UGT3A1: variants seen among roughly 807,000 people sequenced by gnomAD.
The protein encoded by UGT3A1 is UDP glycosyltransferase family 3 member A1.
UGT3A1 carries 40 observed loss-of-function variants against 37.6 expected under a neutral mutation model. The ratio of observed to expected loss-of-function variants is 1.06; its 90% CI spans 0.83 to 1.38. UGT3A1 has a LOEUF of 1.38. Among genes scored for constraint, UGT3A1 ranks in the 40% most tolerant of loss-of-function variants. The pLI is 0.00. For synonymous variants in UGT3A1, 256 were observed against 232.3 expected (o/e 1.10, Z -0.93); for missense variants, 642 against 634.2 (o/e 1.01, Z -0.13).
intron 1 of UGT3A1, among the ~76,000 whole-genome samples, chr5:35,990,545 T>G (rs1740902597): frequency 6.6e-6 from 1 of 152,036 alleles, no homozygotes; most frequent in African/African-American, 2.4e-5. Context: ...GGAAGGAGGC[T>G]CCAAAAGATC....
chr5:35,965,328 A>G, intron 4 of UGT3A1, 58 bp downstream of exon 4: 1 of 1,555,908 alleles, frequency 6.4e-7, no homozygotes, highest in Non-Finnish European at 8.7e-7. Flanking sequence ...GGCAGCCACC[A>G]ACTATGCACC....
intron 5 of UGT3A1, 52 bp downstream of exon 5, chr5:35,957,136 G>A (rs1739384752): frequency 1.7e-5 from 26 of 1,506,808 alleles, no homozygotes; most frequent in Non-Finnish European, 2.3e-5. Context: ...ACACTGACGA[G>A]CACCAAAGGC....
chr5:35,955,870 G>A lies in UGT3A1; in HGVS notation c.1076-6C>T, dbSNP rs537122130. On this transcript the variant is annotated splice_region_variant and splice_polypyrimidine_tract_variant and intron_variant, in intron 5 of 6. Coordinates refer to ENST00000274278, the MANE Select transcript of UGT3A1 (RefSeq NM_152404.4). ...AAGACGGATGCTGGGGTGAGCTGTG[G>A]CAAATAAGAAAGAGAGTGGAACACT... 2.5e-6 allele frequency: 4 copies of A among 1,613,368 alleles called. No individual in the cohort carries two copies. In the Admixed American group the frequency reaches 6.7e-5, roughly 27 times the overall value.
At chr5:36,000,111 T>C (rs1195593359) in intron 1 of UGT3A1, among the ~76,000 whole-genome samples, 1 of 152,170 alleles carries the variant, frequency 6.6e-6, no homozygotes, top group Non-Finnish European at 1.5e-5. Context: ...AAAACATATC[T>C]AAGTTCACGA....
At chr5:35,954,768 T>C (rs1046398878) in intron 6 of UGT3A1, 10 of 422,448 alleles carry the variant, frequency 2.4e-5, no homozygotes, top group African/African-American at 9.8e-5. Context: ...AGGATGCTTA[T>C]GGTATACTAA....
intron 2 of UGT3A1, among the ~76,000 whole-genome samples, chr5:35,987,248 CT>C (rs1219304181): frequency 6.6e-6 from 1 of 152,136 alleles, no homozygotes; most frequent in Non-Finnish European, 1.5e-5. Flanking sequence ...GCTTTTCCTA[CT>C]TTCAGAGCTC....
chr5:35,993,257 A>T (rs1197876599), upstream of UGT3A1, among the ~76,000 whole-genome samples: 1 of 152,102 alleles, frequency 6.6e-6, no homozygotes, highest in Non-Finnish European at 1.5e-5. Flanking sequence ...CAAGGTCAGG[A>T]GATTAAGACC....
chr5:35,962,811 A>G (rs967799875), intron 4 of UGT3A1: 23 of 690,742 alleles, frequency 3.3e-5, no homozygotes, highest in African/African-American at 3.2e-4. Context: ...TCTGAGGGTC[A>G]AAGCAGACTC....
chr5:35,997,748 G>A (rs916666409), intron 1 of UGT3A1, among the ~76,000 whole-genome samples: 1 of 151,992 alleles, frequency 6.6e-6, no homozygotes, highest in East Asian at 1.9e-4. Context: ...TTTACCCAGG[G>A]CTCAACACTC....
chr5:35,994,333 T>TGTGTG (rs1741042045), upstream of UGT3A1, among the ~76,000 whole-genome samples: 20 of 138,640 alleles, frequency 1.4e-4, no homozygotes, highest in Admixed American at 8.1e-4. Flanking sequence ...TTTGTTTTGT[T>TGTGTG]TGTGTGTGTG....
At position 35,965,528 on chromosome 5, in the gene UGT3A1, C is replaced by G. The variant is rs759699054; in HGVS notation, c.701G>C (p.Arg234Thr). ...CAGTAGAAGATGAGACAAAACTGGCCTAGAGCCTTCTGGGAAATGCTCCTT... is the reference window on the plus strand; with the variant it reads ...CAGTAGAAGATGAGACAAAACTGGCGTAGAGCCTTCTGGGAAATGCTCCTT... ...TIKEHFPEGS[R>T]PVLSHLLLKA... is the part of the protein sequence containing the mutation. The change falls in exon 4 of 7, where the codon AGG (arginine) becomes ACG (threonine). Residue 234 changes from arginine (R) to threonine (T), a missense_variant. By Grantham distance (71) the Arg-to-Thr change is moderately conservative (BLOSUM62 -1). Coordinates refer to ENST00000274278, the MANE Select transcript of UGT3A1 (RefSeq NM_152404.4). 2 of 1,614,192 alleles carry G rather than the reference C, an allele frequency of 1.2e-6. No homozygotes were observed. The highest frequency in any genetic ancestry group is 1.7e-6 in the Non-Finnish European group (2 of 1,180,022).
At chr5:35,962,986 C>T in intron 4 of UGT3A1, 1 of 701,198 alleles carries the variant, frequency 1.4e-6, no homozygotes, top group Non-Finnish European at 2.6e-6. Context: ...TCCCTCATTT[C>T]CCTTCCTTCT....
At chr5:35,994,788 C>T (rs1281849152), upstream of UGT3A1, among the ~76,000 whole-genome samples, 2 of 152,160 alleles carry the variant, frequency 1.3e-5, no homozygotes, top group Non-Finnish European at 2.9e-5. Flanking sequence ...CAAAAAGGAA[C>T]TCTAAGTTAT....
chr5:35,984,724 C>T (rs989763361), intron 2 of UGT3A1, among the ~76,000 whole-genome samples: 69 of 152,242 alleles, frequency 4.5e-4, no homozygotes, highest in African/African-American at 1.1e-3. Context: ...CCACCCACCT[C>T]GGCTTCCCAA....
At chr5:35,985,297 C>A (rs185084003) in intron 2 of UGT3A1, among the ~76,000 whole-genome samples, 1 of 151,904 alleles carries the variant, frequency 6.6e-6, no homozygotes, top group East Asian at 1.9e-4. Flanking sequence ...AGCAAACGTA[C>A]AAATTCAATG....
chr5:35,955,811 C>T lies in UGT3A1; in HGVS notation c.1129G>A (p.Glu377Lys). Residue 377 changes from glutamate (E) to lysine (K), a missense_variant, in exon 6 of 7, where the codon GAG becomes AAG. By Grantham distance (56) the Glu-to-Lys change is moderately conservative (BLOSUM62 1). Coordinates refer to ENST00000274278, the MANE Select transcript of UGT3A1 (RefSeq NM_152404.4). ...VTHGGQNSVM[E>K]AIRHGVPMVG... ...ATGGGCACACCATGACGGATGGCCT[C>T]CATTACGCTGTTCTGCCCACCATGA... 6.2e-7 allele frequency: 1 copy of T among 1,614,170 alleles called. No homozygotes were observed. The highest frequency in any genetic ancestry group is 8.5e-7 in the Non-Finnish European group (1 of 1,180,040).
At chr5:35,976,652 C>A (rs574879673) in intron 2 of UGT3A1, among the ~76,000 whole-genome samples, 178 of 152,086 alleles carry the variant, frequency 1.2e-3, no homozygotes, top group African/African-American at 4.1e-3. Context: ...TCAGCCTGGG[C>A]AACATAGTGA....
Position 35,965,374 on chromosome 5 carries a change from G to A in UGT3A1, c.843+12C>T. On this transcript the variant is annotated intron_variant, in intron 4 of 6. Transcript: ENST00000274278. Reference sequence around the variant, plus strand: ...ATGTGAATCCCAAACTGAATGCTGAGGGTTCACTTACTTGTGGTACTGGTT... The same window carrying A: ...ATGTGAATCCCAAACTGAATGCTGAAGGTTCACTTACTTGTGGTACTGGTT... The A allele has an allele frequency of 6.2e-7, 1 of 1,610,778 alleles. No homozygotes were observed. The highest frequency in any genetic ancestry group is 8.5e-7 in the Non-Finnish European group (1 of 1,177,854).
intron 4 of UGT3A1, among the ~76,000 whole-genome samples, chr5:35,960,356 C>G (rs2081122): frequency 0.57 from 86,885 of 152,066 alleles, 25,435 homozygotes; most frequent in African/African-American, 0.66. Context: ...GAATAGAAGA[C>G]TGAGCCCGGA....
Sources: allele counts gnomAD v4.1 joint callset (sites outside exome capture counted in the v4.1 genomes callset), GRCh38; gene constraint gnomAD v4.1.1; transcripts MANE v1.5; gene names NCBI Gene and HGNC (gene_info 2026-07-23, HGNC 2026-07-21).